The following ALDH18A1 variants were observed in gnomAD, a reference collection of about 807,000 sequenced individuals.
ALDH18A1 encodes aldehyde dehydrogenase 18 family member A1, also known as delta-1-pyrroline-5-carboxylate synthase.
A neutral mutation model predicts 88.8 loss-of-function variants in ALDH18A1; 44 were observed. The observed-to-expected ratio is 0.50, with a 90% CI of 0.39 to 0.64. The LOEUF (loss-of-function observed/expected upper bound fraction) is 0.64, where lower values mean the gene tolerates loss of function less well. Ranked by LOEUF, ALDH18A1 falls within the 30% of genes least tolerant of loss-of-function variation. ALDH18A1 has a pLI of 0.00. For synonymous variants in ALDH18A1, 331 were observed against 372.1 expected, an observed-to-expected ratio of 0.89 and a Z score of 1.27; for missense variants, 782 against 1,009.5, an observed-to-expected ratio of 0.77 and a Z score of 3.05.
At chr10:95,624,272 C>T (rs1354314370) in intron 11 of ALDH18A1, among the ~76,000 whole-genome samples, 1 of 152,144 alleles carries the variant, frequency 6.6e-6, no homozygotes, top group Non-Finnish European at 1.5e-5. Context: ...AGAGGTATAG[C>T]TGGGATCAGG....
In ALDH18A1 at chr10:95,606,807, T is replaced by A. The variant is rs2097823562; in HGVS notation, c.2343A>T (p.Lys781Asn). 1 of 1,614,072 alleles carries A rather than the reference T, an allele frequency of 6.2e-7. No homozygotes were observed. ...GAATAGGGAGGTTCTCATGAAGATA[T>A]TTTAAACTTCCATGCTCTGAGAAAT... ...VSDFSEHGSL[K>N]YLHENLPIPQ... Residue 781 changes from lysine (K) to asparagine (N), a missense_variant, in exon 18 of 18, where the codon AAA becomes AAT. Coordinates refer to ENST00000371224, the MANE Select transcript of ALDH18A1 (RefSeq NM_002860.4).
At chr10:95,626,217 C>T (rs1304417069) in intron 10 of ALDH18A1, among the ~76,000 whole-genome samples, 1 of 152,104 alleles carries the variant, frequency 6.6e-6, no homozygotes, top group African/African-American at 2.4e-5. Context: ...CAACATAACC[C>T]CTGGGGGACT....
intron 13 of ALDH18A1, among the ~76,000 whole-genome samples, chr10:95,616,131 C>G (rs1157758592): frequency 6.6e-6 from 1 of 152,306 alleles, no homozygotes; most frequent in East Asian, 1.9e-4. Context: ...TGTAAAGTTT[C>G]TCATCTGACT....
intron 12 of ALDH18A1, among the ~76,000 whole-genome samples, chr10:95,616,974 T>C (rs1268608): frequency 0.35 from 53,527 of 152,120 alleles, 10,067 homozygotes; most frequent in East Asian, 0.7. Context: ...TGGCCAGGTA[T>C]GGTGGCTCAC....
intron 10 of ALDH18A1, 77 bp downstream of exon 10, chr10:95,626,626 A>C: frequency 1.5e-6 from 2 of 1,358,724 alleles, no homozygotes; most frequent in Admixed American, 1.7e-5. Flanking sequence ...AGATGGAGTC[A>C]GCAGGTTTGA....
chr10:95,628,552 T>C, intron 7 of ALDH18A1, 60 bp from the exon 8 acceptor site: 3 of 1,591,720 alleles, frequency 1.9e-6, no homozygotes. Flanking sequence ...AAGACAGGCC[T>C]CCCCAGGGCA....
Position 95,610,217 on chromosome 10 carries a change from T to C in ALDH18A1, c.2186A>G (p.Asp729Gly). 6.2e-7 allele frequency: 1 copy of C among 1,614,042 alleles called. No individual in the cohort carries two copies. The highest frequency in any genetic ancestry group is 2.2e-5 in the East Asian group (1 of 44,876). ...CTTACCCAGTCCAAAGCGGTAACCA[T>C]CAGAAAAGCGAGTGCTGGCATTCCA... ...VFWNASTRFS[D>G]GYRFGLGAEV... Residue 729 changes from aspartate to glycine, a missense_variant, in exon 17 of 18, where the codon GAT becomes GGT. Transcript: ENST00000371224.
chr10:95,641,967 C>T (rs944745002), intron 3 of ALDH18A1, among the ~76,000 whole-genome samples: 25 of 152,082 alleles, frequency 1.6e-4, no homozygotes, highest in Non-Finnish European at 2.5e-4. Flanking sequence ...GAGACAGGGT[C>T]TCACTTTGTT....
chr10:95,633,605 C>T lies in ALDH18A1; in HGVS notation c.603G>A (p.Arg201=). 1.2e-6 allele frequency: 2 copies of T among 1,614,000 alleles called. No individual in the cohort carries two copies. Among genetic ancestry groups the T allele is most frequent in the Non-Finnish European group, 1.7e-6 (2 of 1,180,012 alleles). ...GTTCATGAAGTGTTCCATTGAGGTT[C>T]CGGCGCTTCTGCTCATCATGGAAAT... is the stretch of plus-strand genomic sequence containing the variant. ...NLDFHDEQKR[R]NLNGTLHELL... Residue 201 remains arginine, a synonymous_variant, in exon 6 of 18, where the codon CGG becomes CGA. Coordinates refer to ENST00000371224, the MANE Select transcript of ALDH18A1 (RefSeq NM_002860.4).
intron 2 of ALDH18A1, among the ~76,000 whole-genome samples, chr10:95,643,453 C>T (rs887787523): frequency 6.6e-6 from 1 of 152,094 alleles, no homozygotes; most frequent in Non-Finnish European, 1.5e-5. Flanking sequence ...AGAGTACAAA[C>T]AAATTAATCT....
intron 5 of ALDH18A1, 85 bp from the exon 6 acceptor site, chr10:95,633,734 G>T: frequency 8.5e-6 from 12 of 1,404,258 alleles, no homozygotes; most frequent in Admixed American, 1.9e-5. Flanking sequence ...GAGCAGGGGA[G>T]TTAAACTTTA....
chr10:95,633,621 T>C lies in ALDH18A1; in HGVS notation c.587A>G (p.Asp196Gly). ...QILVTNLDFH[D>G]EQKRRNLNGT... The stretch of plus-strand genomic sequence containing the variant: ...ATTGAGGTTCCGGCGCTTCTGCTCA[T>C]CATGGAAATCCAAATTGGTCACCAA... Residue 196 changes from aspartate to glycine, a missense_variant, in exon 6 of 18, where the codon GAT (aspartate) becomes GGT (glycine). Transcript: ENST00000371224. 1 of 1,614,070 alleles carries C rather than the reference T, an allele frequency of 6.2e-7. No individual in the cohort carries two copies. The highest frequency in any genetic ancestry group is 8.5e-7 in the Non-Finnish European group (1 of 1,180,016).
chr10:95,633,149 T>A (rs1473243225), intron 6 of ALDH18A1, 100 bp from the exon 7 acceptor site: 27 of 1,140,854 alleles, frequency 2.4e-5, no homozygotes, highest in Non-Finnish European at 1.3e-6. Flanking sequence ...CAAGCTAGGA[T>A]CAGGCAAAAC....
intron 10 of ALDH18A1, among the ~76,000 whole-genome samples, 176 bp downstream of exon 10, chr10:95,626,527 C>T (rs573269835): frequency 3.3e-5 from 5 of 151,744 alleles, no homozygotes; most frequent in Non-Finnish European, 5.9e-5. Context: ...AAAGATAAAA[C>T]GGAAAATAAA....
chr10:95,606,283 T>A lies in ALDH18A1; in HGVS notation c.*479A>T. ...TCCATCGATTTTTGTGACTTTCTGATGAGAATGCTAAAAAGAAGAGTTGCC... is the reference window on the plus strand; with the variant it reads ...TCCATCGATTTTTGTGACTTTCTGAAGAGAATGCTAAAAAGAAGAGTTGCC... On this transcript the variant is annotated 3_prime_UTR_variant, in exon 18 of 18. Coordinates refer to ENST00000371224, the MANE Select transcript of ALDH18A1 (RefSeq NM_002860.4). 1.0e-6 allele frequency: 1 copy of A among 1,001,368 alleles called. No homozygotes were observed. Among genetic ancestry groups the A allele is most frequent in the Non-Finnish European group, 1.2e-6 (1 of 838,730 alleles). 62.0% of individuals were successfully genotyped at this position (1,001,368 alleles called of 1,614,324 possible).
chr10:95,610,598 C>T (rs1187943635), intron 16 of ALDH18A1, among the ~76,000 whole-genome samples: 5 of 152,212 alleles, frequency 3.3e-5, no homozygotes, highest in Non-Finnish European at 5.9e-5. Flanking sequence ...TCCAGCTGTA[C>T]ACCTGCTAGC....
chr10:95,627,499 T>C lies in ALDH18A1; in HGVS notation c.1021A>G (p.Thr341Ala), dbSNP rs752963479. Residue 341 changes from threonine to alanine, a missense_variant, in exon 9 of 18, where the codon ACA becomes GCA. Transcript: ENST00000371224. ...THPKVSGHVI[T>A]DIVEGKKVGT... ...ACTTTCTTCCCCTCCACAATGTCTG[T>C]GATGACGTGCCCAGACACCTTTGGG... 6.2e-7 allele frequency: 1 copy of C among 1,614,160 alleles called. No homozygotes were observed. The highest frequency in any genetic ancestry group is 1.3e-5 in the African/African-American group (1 of 75,058).
At chr10:95,626,290 T>C (rs1430660275) in intron 10 of ALDH18A1, among the ~76,000 whole-genome samples, 1 of 152,144 alleles carries the variant, frequency 6.6e-6, no homozygotes, top group East Asian at 1.9e-4. Context: ...CTACTTAGAC[T>C]AATTCAAGCC....
chr10:95,615,584 G>A (rs1346585798), intron 13 of ALDH18A1, among the ~76,000 whole-genome samples: 2 of 152,104 alleles, frequency 1.3e-5, no homozygotes, highest in East Asian at 1.9e-4. Flanking sequence ...AGGAGGGAGG[G>A]CACCTGTGTA....
Sources: allele counts gnomAD v4.1 joint callset (sites outside exome capture counted in the v4.1 genomes callset), GRCh38; gene constraint gnomAD v4.1.1; transcripts MANE v1.5; gene names NCBI Gene and HGNC (gene_info 2026-07-23, HGNC 2026-07-21).